CCSER1: variants seen among roughly 807,000 people sequenced by gnomAD.
CCSER1 encodes coiled-coil serine rich protein 1.
In CCSER1, 41 loss-of-function variants were observed where a neutral mutation model predicts 82.0. That is an observed-to-expected ratio of 0.50 (90% CI 0.39 to 0.65). The LOEUF (loss-of-function observed/expected upper bound fraction) is 0.65, where lower values mean the gene tolerates loss of function less well. CCSER1 is among the 30% of genes least tolerant of loss of function. The probability of loss-of-function intolerance (pLI) is 0.00; values close to 1 mark genes in which losing one functional copy is unlikely to be tolerated. For missense variants in CCSER1, 1,119 were observed against 1,064.2 expected (o/e 1.05, Z -0.72); for synonymous variants, 414 against 383.9 (o/e 1.08, Z -0.92).
chr4:91,551,080 G>A (rs1179311325), intron 10 of CCSER1, among the ~76,000 whole-genome samples: 1 of 151,938 alleles, frequency 6.6e-6, no homozygotes, highest in Non-Finnish European at 1.5e-5. Context: ...ATTTCTAGGG[G>A]CATGGGCAGG....
At chr4:90,914,400 T>C (rs144922718) in intron 8 of CCSER1, among the ~76,000 whole-genome samples, 445 of 152,216 alleles carry the variant, frequency 2.9e-3, no homozygotes, top group Middle Eastern at 0.01. Context: ...GACTGCTCGG[T>C]ACATAACTAA....
chr4:90,495,029 CCT>C (rs1170799786), intron 5 of CCSER1, among the ~76,000 whole-genome samples: 1 of 152,048 alleles, frequency 6.6e-6, no homozygotes, highest in African/African-American at 2.4e-5. Flanking sequence ...ATTTCTAGTT[CCT>C]AATCTTAATC....
intron 3 of CCSER1, among the ~76,000 whole-genome samples, chr4:90,316,688 A>G (rs981108885): frequency 2.0e-5 from 3 of 152,204 alleles, no homozygotes; most frequent in Non-Finnish European, 4.4e-5. Context: ...TCATAATAAA[A>G]TATGGCTCTA....
chr4:91,375,221 C>G (rs1156978694), intron 10 of CCSER1, among the ~76,000 whole-genome samples: 1 of 152,052 alleles, frequency 6.6e-6, no homozygotes, highest in Admixed American at 6.6e-5. Context: ...TTCAAAAGTT[C>G]AGGGGAGGAA....
chr4:90,531,382 T>A (rs907200788), intron 5 of CCSER1, among the ~76,000 whole-genome samples: 7 of 149,758 alleles, frequency 4.7e-5, no homozygotes, highest in South Asian at 4.2e-4. Context: ...GTGAGATTCA[T>A]ACACTGCAGG....
intron 10 of CCSER1, among the ~76,000 whole-genome samples, chr4:91,264,403 A>G (rs1489849619): frequency 1.3e-5 from 2 of 151,892 alleles, no homozygotes; most frequent in African/African-American, 4.8e-5. Context: ...CATTTTCTCC[A>G]TAAGTGGCTT....
chr4:90,999,990 A>G (rs953294515), intron 9 of CCSER1, among the ~76,000 whole-genome samples: 1 of 150,816 alleles, frequency 6.6e-6, no homozygotes, highest in Non-Finnish European at 1.5e-5. Context: ...GTCCAGTTTC[A>G]TTCTTCTGCA....
intron 10 of CCSER1, among the ~76,000 whole-genome samples, chr4:91,274,798 G>A (rs1742288939): frequency 1.3e-5 from 2 of 152,208 alleles, no homozygotes; most frequent in African/African-American, 4.8e-5. Flanking sequence ...ATGGGTGCAA[G>A]TATCTTTTTG....
intron 10 of CCSER1, among the ~76,000 whole-genome samples, chr4:91,569,238 T>C (rs990945809): frequency 2.6e-5 from 4 of 152,148 alleles, no homozygotes; most frequent in African/African-American, 4.8e-5. Flanking sequence ...TGCAGCCATG[T>C]TCCTTCTCAT....
chr4:91,436,136 G>A (rs907926210), intron 10 of CCSER1, among the ~76,000 whole-genome samples: 5 of 151,974 alleles, frequency 3.3e-5, no homozygotes, highest in Admixed American at 1.3e-4. Flanking sequence ...TGTTACTTTC[G>A]ATGTCAAGAA....
At chr4:91,433,281 G>A (rs1220675508) in intron 10 of CCSER1, among the ~76,000 whole-genome samples, 1 of 152,114 alleles carries the variant, frequency 6.6e-6, no homozygotes, top group East Asian at 1.9e-4. Flanking sequence ...TAATGGGGCT[G>A]AAAAATTCTT....
At chr4:91,135,067 A>G (rs575578668) in intron 10 of CCSER1, among the ~76,000 whole-genome samples, 35 of 152,180 alleles carry the variant, frequency 2.3e-4, no homozygotes, top group African/African-American at 8.2e-4. Context: ...TCAAAGAAAA[A>G]AAAAAAAACT....
intron 10 of CCSER1, among the ~76,000 whole-genome samples, chr4:91,289,894 A>G (rs1743614440): frequency 6.6e-6 from 1 of 152,072 alleles, no homozygotes; most frequent in African/African-American, 2.4e-5. Flanking sequence ...AAAAAACAAT[A>G]ACAACAACAA....
At chr4:90,391,193 A>T (rs1390496247) in intron 3 of CCSER1, among the ~76,000 whole-genome samples, 2 of 146,472 alleles carry the variant, frequency 1.4e-5, no homozygotes, top group Non-Finnish European at 1.5e-5. Flanking sequence ...GAATCTCTTG[A>T]ACCTGGGAGG....
At chr4:90,603,721 C>T (rs1364216837) in intron 5 of CCSER1, among the ~76,000 whole-genome samples, 3 of 152,124 alleles carry the variant, frequency 2.0e-5, no homozygotes, top group Non-Finnish European at 2.9e-5. Flanking sequence ...GCTCACAGTG[C>T]GTGCCTATCA....
chr4:90,402,443 G>T (rs545912472), intron 4 of CCSER1, among the ~76,000 whole-genome samples: 1 of 152,116 alleles, frequency 6.6e-6, no homozygotes, highest in South Asian at 2.1e-4. Context: ...TAAATGTGGT[G>T]GTACCAATAT....
intron 7 of CCSER1, among the ~76,000 whole-genome samples, chr4:90,801,366 C>T (rs1297956365): frequency 2.6e-5 from 4 of 152,096 alleles, no homozygotes; most frequent in Admixed American, 2.0e-4. Flanking sequence ...GATAGTAAAA[C>T]ATAGTTTTGT....
chr4:91,164,561 G>A (rs892001727), intron 10 of CCSER1, among the ~76,000 whole-genome samples: 17 of 152,184 alleles, frequency 1.1e-4, no homozygotes, highest in Admixed American at 1.0e-3. Flanking sequence ...TCACTTTGAA[G>A]TATACCAATC....
At chr4:90,599,397 CT>C (rs1325347447) in intron 5 of CCSER1, among the ~76,000 whole-genome samples, 1 of 152,096 alleles carries the variant, frequency 6.6e-6, no homozygotes, top group Non-Finnish European at 1.5e-5. Flanking sequence ...ACGTGCCTTG[CT>C]TCCCCTTCAC....
Sources: gnomAD v4.1 joint callset for allele counts (sites outside exome capture counted in the v4.1 genomes callset) on GRCh38, gnomAD v4.1.1 for gene constraint, MANE v1.5 for transcripts, NCBI Gene and HGNC (gene_info 2026-07-23, HGNC 2026-07-21) for gene names.